LTBP1: variants seen among roughly 807,000 people sequenced by gnomAD.
The protein encoded by LTBP1 is latent transforming growth factor beta binding protein 1.
Under a neutral mutation model 207.6 loss-of-function variants are expected in LTBP1, and 129 were observed. The ratio of observed to expected loss-of-function variants is 0.62; its 90% CI spans 0.54 to 0.72. LTBP1 has a LOEUF of 0.72. Among genes scored for constraint, LTBP1 ranks in the 30% least tolerant of loss-of-function variants. The pLI is 0.00. For synonymous variants in LTBP1, 963 were observed against 833.7 expected (o/e 1.16, Z -2.67); for missense variants, 2,281 against 2,217.2 (o/e 1.03, Z -0.58).
chr2:33,251,846 A>G (rs115115940), intron 10 of LTBP1, among the ~76,000 whole-genome samples: 41 of 152,130 alleles, frequency 2.7e-4, no homozygotes, highest in African/African-American at 8.4e-4. Context: ...GTTCTGTAGA[A>G]TACACTCCAT....
chr2:33,185,242 C>T (rs2087071760), intron 5 of LTBP1, among the ~76,000 whole-genome samples: 1 of 152,132 alleles, frequency 6.6e-6, no homozygotes, highest in South Asian at 2.1e-4. Context: ...AAAAAGTTGA[C>T]ATCTTTGGTG....
chr2:33,348,849 C>A (rs897849462), intron 26 of LTBP1, among the ~76,000 whole-genome samples: 1 of 152,100 alleles, frequency 6.6e-6, no homozygotes, highest in Non-Finnish European at 1.5e-5. Context: ...TGGACCGAAC[C>A]AATAACTAAT....
chr2:33,377,883 C>A (rs2095161244), intron 31 of LTBP1, among the ~76,000 whole-genome samples: 2 of 152,130 alleles, frequency 1.3e-5, no homozygotes, highest in African/African-American at 4.8e-5. Flanking sequence ...ACACTTGAAA[C>A]CATCAACTCT....
chr2:33,150,778 G>A (rs570606318), intron 5 of LTBP1, among the ~76,000 whole-genome samples: 103 of 127,442 alleles, frequency 8.1e-4, no homozygotes, highest in African/African-American at 3.1e-3. Context: ...GAGTGCAGTG[G>A]CAACCTCCAC....
At chr2:33,396,997 C>CT in intron 32 of LTBP1, 136 bp from the exon 33 acceptor site, 1 of 708,850 alleles carries the variant, frequency 1.4e-6, no homozygotes, top group East Asian at 2.8e-5. Flanking sequence ...ATTTCTAATG[C>CT]TAACTTTAAG....
intron 5 of LTBP1, among the ~76,000 whole-genome samples, chr2:33,141,728 A>G (rs1252875347): frequency 2.0e-5 from 3 of 152,146 alleles, no homozygotes; most frequent in Admixed American, 6.5e-5. Flanking sequence ...CATCGCTTAC[A>G]TTGTCATCAG....
chr2:33,036,705 A>G (rs1483006779), intron 3 of LTBP1, among the ~76,000 whole-genome samples: 2 of 152,132 alleles, frequency 1.3e-5, no homozygotes, highest in East Asian at 3.9e-4. Context: ...TGATCCACCC[A>G]CCTTGTCTTC....
rs563337589 is a variant in LTBP1 at position 33,086,539 on chromosome 2, C to T, written c.864-24043C>T. ...TGGTTATGGCGACATACATGAGACC[C>T]GAGACTGCGGTGAATAAGTCCTTGA... On this transcript the variant is annotated intron_variant, in intron 3 of 33. Coordinates refer to ENST00000404816, the MANE Select transcript of LTBP1 (RefSeq NM_206943.4). Among the ~76,000 whole-genome samples, 24 of 152,244 alleles carry T rather than the reference C, an allele frequency of 1.6e-4. No homozygotes were observed. In the South Asian group the frequency reaches 1.9e-3, roughly 12 times the overall value.
At chr2:32,950,376 G>A (rs1403556598) in intron 2 of LTBP1, among the ~76,000 whole-genome samples, 2 of 152,040 alleles carry the variant, frequency 1.3e-5, no homozygotes, top group Admixed American at 1.3e-4. Context: ...GGGCAGCATG[G>A]CAAAACCCCA....
At chr2:33,222,025 C>G (rs6706122) in intron 8 of LTBP1, 55 bp from the exon 9 acceptor site, 2 of 1,274,026 alleles carry the variant, frequency 1.6e-6, no homozygotes, top group Non-Finnish European at 2.3e-6. Context: ...ATCACTTACA[C>G]TAGTCTAAGA....
chr2:33,379,739 C>T lies in LTBP1; in HGVS notation c.4712-9445C>T, dbSNP rs142001523. ...TTTACTTTGCAGTGATGTCTTACTTCCTGTTATTGAATGAAATACATTTTC... is the reference window on the plus strand; with the variant it reads ...TTTACTTTGCAGTGATGTCTTACTTTCTGTTATTGAATGAAATACATTTTC... On this transcript the variant is annotated intron_variant, in intron 31 of 33. Coordinates refer to ENST00000404816, the MANE Select transcript of LTBP1 (RefSeq NM_206943.4). Among the ~76,000 whole-genome samples, 911 of 152,296 alleles carry T rather than the reference C, an allele frequency of 6.0e-3. 6 individuals are homozygous for T. Among genetic ancestry groups the T allele is most frequent in the Middle Eastern group, 0.024 (7 of 294 alleles).
At chr2:33,327,620 G>A (rs967744254) in intron 24 of LTBP1, among the ~76,000 whole-genome samples, 3 of 152,164 alleles carry the variant, frequency 2.0e-5, no homozygotes, top group Non-Finnish European at 4.4e-5. Context: ...ATAAGTTATA[G>A]GGTATTAGAA....
intron 3 of LTBP1, among the ~76,000 whole-genome samples, chr2:33,053,150 C>T (rs775652414): frequency 2.0e-5 from 3 of 152,154 alleles, no homozygotes; most frequent in Non-Finnish European, 2.9e-5. Context: ...GAATTACAGG[C>T]GTAAGCCACC....
chr2:33,274,606 C>T (rs1162040128), intron 16 of LTBP1, among the ~76,000 whole-genome samples: 5 of 152,174 alleles, frequency 3.3e-5, no homozygotes, highest in Admixed American at 6.5e-5. Flanking sequence ...TCCACATGCA[C>T]GGAGGAAGAG....
At chr2:33,147,981 C>G (rs1044713312) in intron 5 of LTBP1, among the ~76,000 whole-genome samples, 2 of 152,210 alleles carry the variant, frequency 1.3e-5, no homozygotes, top group Admixed American at 6.5e-5. Flanking sequence ...CAGATACTGC[C>G]TTTTGTCTTC....
rs1228844049 is a variant in LTBP1 at position 33,309,516 on chromosome 2, T to C, written c.3564T>C (p.Cys1188=). The change falls in exon 23 of 34, where the codon TGT becomes TGC. Residue 1188 remains cysteine, a synonymous_variant. Transcript: ENST00000404816. ...INTAGSYDCT[C]PDGFQLDDNK... is the part of the protein sequence containing the mutation. ...CTGCAGGGTCCTATGATTGTACTTG[T>C]CCGGATGGATTTCAGCTAGATGACA... is the stretch of plus-strand genomic sequence containing the variant. 1 of 1,610,690 alleles carries C rather than the reference T, an allele frequency of 6.2e-7. No individual in the cohort carries two copies. The highest frequency in any genetic ancestry group is 1.3e-5 in the African/African-American group (1 of 74,776).
intron 3 of LTBP1, among the ~76,000 whole-genome samples, chr2:33,100,210 C>A (rs1490794281): frequency 6.6e-6 from 1 of 152,186 alleles, no homozygotes; most frequent in Non-Finnish European, 1.5e-5. Flanking sequence ...ACAGCTCATG[C>A]TGTGGTTCAT....
At chr2:33,027,733 A>G (rs1160901871) in intron 3 of LTBP1, among the ~76,000 whole-genome samples, 2 of 152,170 alleles carry the variant, frequency 1.3e-5, no homozygotes, top group Non-Finnish European at 2.9e-5. Flanking sequence ...GCTACTCAGG[A>G]GGCAGAGGCA....
intron 2 of LTBP1, among the ~76,000 whole-genome samples, chr2:32,949,691 C>G (rs1408802781): frequency 6.6e-6 from 1 of 152,184 alleles, no homozygotes; most frequent in African/African-American, 2.4e-5. Flanking sequence ...TACCTTCCCC[C>G]TCAGAAAAAG....
Sources: allele counts gnomAD v4.1 joint callset (sites outside exome capture counted in the v4.1 genomes callset), GRCh38; gene constraint gnomAD v4.1.1; transcripts MANE v1.5; gene names NCBI Gene and HGNC (gene_info 2026-07-23, HGNC 2026-07-21).